LARS2: variants seen among roughly 807,000 people sequenced by gnomAD.
The protein encoded by LARS2 is leucine--tRNA ligase, mitochondrial.
A neutral mutation model predicts 116.6 loss-of-function variants in LARS2; 81 were observed. That is an observed-to-expected ratio of 0.69 (90% CI 0.58 to 0.84). The LOEUF is 0.84. Among genes scored for constraint, LARS2 ranks in the 40% least tolerant of loss-of-function variants. LARS2 has a pLI of 0.00. For synonymous variants in LARS2, 396 were observed against 407.2 expected, an observed-to-expected ratio of 0.97 and a Z score of 0.33; for missense variants, 968 against 1,114.5, an observed-to-expected ratio of 0.87 and a Z score of 1.87.
intron 20 of LARS2, among the ~76,000 whole-genome samples, chr3:45,527,489 T>C (rs1700548724): frequency 6.6e-6 from 1 of 152,044 alleles, no homozygotes. Flanking sequence ...CCTGGCATGG[T>C]GGCGGGCACC....
intron 15 of LARS2, among the ~76,000 whole-genome samples, chr3:45,501,874 G>T (rs546052653): frequency 1.3e-5 from 2 of 151,938 alleles, no homozygotes; most frequent in African/African-American, 2.4e-5. Context: ...CAAACCAGTG[G>T]GTATATAATG....
intron 9 of LARS2, among the ~76,000 whole-genome samples, chr3:45,475,724 G>A (rs754610095): frequency 4.6e-5 from 7 of 152,200 alleles, no homozygotes; most frequent in Non-Finnish European, 7.3e-5. Context: ...AGTCCTACAG[G>A]GTAGACCACA....
At chr3:45,391,691 T>A (rs1048260146) in intron 2 of LARS2, 43 bp downstream of exon 2, 1 of 152,232 alleles carries the variant, frequency 6.6e-6, no homozygotes, top group Non-Finnish European at 1.5e-5. Context: ...TGTTGAATAA[T>A]CTATTACTAT....
chr3:45,411,047 T>C (rs549836017), intron 4 of LARS2, among the ~76,000 whole-genome samples: 1 of 152,306 alleles, frequency 6.6e-6, no homozygotes, highest in East Asian at 1.9e-4. Flanking sequence ...ACTCAGGGAA[T>C]GTTAGAATTT....
intron 10 of LARS2, among the ~76,000 whole-genome samples, chr3:45,484,518 C>T (rs148691928): frequency 0.023 from 3,181 of 140,722 alleles, 88 homozygotes; most frequent in African/African-American, 0.073. Flanking sequence ...GTAATCCCAG[C>T]GCTTTGGGAG....
intron 6 of LARS2, among the ~76,000 whole-genome samples, chr3:45,444,401 C>T (rs1361913014): frequency 1.3e-5 from 2 of 149,256 alleles, no homozygotes; most frequent in Middle Eastern, 3.2e-3. Context: ...CGGTGGCTCA[C>T]GCCTGTAATC....
In LARS2 at chr3:45,497,409, T is replaced by G. The variant is rs573752658; in HGVS notation, c.1622+1036T>G. Reference sequence around the variant, plus strand: ...CAGAGCCCAGGAAAAAACACAGCATTGTGCTTAAAAGGGCCTTGCCTAATT... The same window carrying G: ...CAGAGCCCAGGAAAAAACACAGCATGGTGCTTAAAAGGGCCTTGCCTAATT... On this transcript the variant is annotated intron_variant, in intron 14 of 21. Coordinates refer to ENST00000645846, the MANE Select transcript of LARS2 (RefSeq NM_015340.4). Among the ~76,000 whole-genome samples the G allele has an allele frequency of 2.6e-5, 4 of 152,230 alleles. No individual in the cohort carries two copies. In the South Asian group the frequency reaches 6.2e-4, roughly 24 times the overall value.
intron 7 of LARS2, among the ~76,000 whole-genome samples, chr3:45,454,673 C>G (rs1348284302): frequency 6.6e-6 from 1 of 152,178 alleles, no homozygotes; most frequent in South Asian, 2.1e-4. Flanking sequence ...AAATGCCAAC[C>G]AGGGAAATGA....
Position 45,400,292 on chromosome 3 carries a change from T to C in LARS2, c.282T>C (p.Ser94=). Residue 94 remains serine, a synonymous_variant, in exon 4 of 22, where the codon TCT becomes TCC. Transcript: ENST00000645846. The part of the protein sequence containing the change: ...FYVLSMFPYP[S]GKLHMGHVRV... ...TGCTTTCCATGTTCCCTTATCCTTC[T>C]GGTAAGCTGCACATGGGCCATGTGC... 1 of 1,613,964 alleles carries C rather than the reference T, an allele frequency of 6.2e-7. No homozygotes were observed. Among genetic ancestry groups the C allele is most frequent in the Non-Finnish European group, 8.5e-7 (1 of 1,179,898 alleles).
rs1698867889 is a variant in LARS2, at chr3:45,439,442, A to G, written c.517-7449A>G. 3.3e-5 allele frequency among the ~76,000 whole-genome samples: 5 copies of G among 151,768 alleles called. No homozygotes were observed. The South Asian group carries it at 1.0e-3, about 32-fold the overall frequency. The stretch of plus-strand genomic sequence containing the variant: ...CACAATGTTGGCCAGGCTGTTCTTG[A>G]ACTCCTTACCTCGTGATCCGCCCAC... On this transcript the variant is annotated intron_variant, in intron 6 of 21. Transcript: ENST00000645846.
intron 15 of LARS2, among the ~76,000 whole-genome samples, chr3:45,509,794 G>T (rs148410569): frequency 1.3e-5 from 2 of 151,944 alleles, no homozygotes; most frequent in African/African-American, 4.8e-5. Flanking sequence ...GCTGGGAAGC[G>T]CCCCTTTCCC....
chr3:45,509,047 T>C (rs542118384), intron 15 of LARS2, among the ~76,000 whole-genome samples: 64 of 152,240 alleles, frequency 4.2e-4, no homozygotes, highest in African/African-American at 1.5e-3. Flanking sequence ...TGCTTACATA[T>C]AGCTGTGCTT....
In LARS2 at chr3:45,394,525, T is replaced by C; in HGVS notation, c.72T>C (p.Asp24=). The change falls in exon 3 of 22, where the codon GAT becomes GAC. Residue 24 remains aspartate, a synonymous_variant. Transcript: ENST00000645846. ...AAAGACAGCTAAATGGTGGGCCAGA[T>C]GTCATCAAGTGGGAAAGGAGAGTAA... ...LLKRQLNGGP[D]VIKWERRVIP... is the part of the protein sequence containing the mutation. The C allele has an allele frequency of 6.2e-7, 1 of 1,614,194 alleles. No homozygotes were observed. Among genetic ancestry groups the C allele is most frequent in the Non-Finnish European group, 8.5e-7 (1 of 1,180,026 alleles).
At chr3:45,458,914 T>C in intron 8 of LARS2, 28 bp downstream of exon 8, 1 of 1,611,946 alleles carries the variant, frequency 6.2e-7, no homozygotes, top group Non-Finnish European at 8.5e-7. Context: ...GGCTCCCCAC[T>C]AATGCCTTAC....
intron 15 of LARS2, chr3:45,506,787 T>C (rs1043682445): frequency 3.3e-5 from 5 of 152,096 alleles, no homozygotes; most frequent in African/African-American, 1.2e-4. Flanking sequence ...TTCTAATTTC[T>C]TCAAATACAG....
chr3:45,419,652 T>C lies in LARS2; in HGVS notation c.456-17T>C. 2 of 1,610,058 alleles carry C rather than the reference T, an allele frequency of 1.2e-6. No individual in the cohort carries two copies. Among genetic ancestry groups the C allele is most frequent in the Non-Finnish European group, 1.7e-6 (2 of 1,176,366 alleles). On this transcript the variant is annotated splice_polypyrimidine_tract_variant and intron_variant, in intron 5 of 21. Coordinates refer to ENST00000645846, the MANE Select transcript of LARS2 (RefSeq NM_015340.4). ...TCCCCTCTCTAAAAACCAAACCTTT[T>C]TCCCATTGTTTCACAGTAATATTAA...
At position 45,541,844 on chromosome 3, in the gene LARS2, C is replaced by T. The variant is rs765634048; in HGVS notation, c.2420C>T (p.Pro807Leu). Residue 807 changes from proline (P) to leucine (L), a missense_variant, in exon 21 of 22, where the codon CCG becomes CTG. Transcript: ENST00000645846. ...SEIWAGLALV[P>L]RKLCAHYTWD... ...GGCATTGCAGGCCTGGCGCTGGTGC[C>T]GAGGAAGCTCTGTGCCCACTACACT... 10 of 1,614,036 alleles carry T rather than the reference C, an allele frequency of 6.2e-6. No homozygotes were observed. In the African/African-American group the frequency reaches 9.3e-5, roughly 15 times the overall value.
chr3:45,543,733 G>A (rs184293239), intron 21 of LARS2, among the ~76,000 whole-genome samples: 28 of 152,130 alleles, frequency 1.8e-4, no homozygotes, highest in Non-Finnish European at 2.1e-4. Flanking sequence ...CAAAGTGCTG[G>A]GATTACAGGC....
intron 6 of LARS2, among the ~76,000 whole-genome samples, chr3:45,439,567 A>C (rs1000307645): frequency 2.6e-5 from 4 of 151,598 alleles, no homozygotes; most frequent in Non-Finnish European, 5.9e-5. Context: ...GTAGCTGCCT[A>C]ATGAAGTTTA....
Sources: allele counts gnomAD v4.1 joint callset (sites outside exome capture counted in the v4.1 genomes callset), GRCh38; gene constraint gnomAD v4.1.1; transcripts MANE v1.5; gene names NCBI Gene and HGNC (gene_info 2026-07-23, HGNC 2026-07-21).